Variants in HDAC9 observed in about 807,000 individuals in gnomAD.
The protein encoded by HDAC9 is histone deacetylase 9.
Under a neutral mutation model 139.4 loss-of-function variants are expected in HDAC9, and 41 were observed. The ratio of observed to expected loss-of-function variants is 0.29; its 90% CI spans 0.23 to 0.38. The LOEUF is 0.38. HDAC9 is among the 10% of genes least tolerant of loss of function. The pLI is 1.00. For missense variants in HDAC9, 1,147 were observed against 1,297.0 expected (o/e 0.88, Z 1.78); for synonymous variants, 517 against 476.2 (o/e 1.09, Z -1.12).
chr7:18,539,749 G>T (rs903621795), intron 2 of HDAC9, among the ~76,000 whole-genome samples: 41 of 152,050 alleles, frequency 2.7e-4, no homozygotes, highest in Middle Eastern at 3.2e-3. Flanking sequence ...GTTGCCAGGG[G>T]TTAGGGTACG....
chr7:18,879,698 CTA>C (rs1263797089), intron 22 of HDAC9, among the ~76,000 whole-genome samples: 1 of 152,144 alleles, frequency 6.6e-6, no homozygotes, highest in Non-Finnish European at 1.5e-5. Flanking sequence ...AAACCCAAAA[CTA>C]TAAAAACCCT....
chr7:18,138,171 T>C (rs949566321), intron 1 of HDAC9, among the ~76,000 whole-genome samples: 2 of 152,210 alleles, frequency 1.3e-5, no homozygotes, highest in Non-Finnish European at 2.9e-5. Context: ...TCATTTTTTA[T>C]TGCATCTATT....
chr7:18,549,482 A>T (rs1277048033), intron 2 of HDAC9, among the ~76,000 whole-genome samples: 1 of 152,174 alleles, frequency 6.6e-6, no homozygotes, highest in African/African-American at 2.4e-5. Flanking sequence ...ATAAAAATGA[A>T]TGTACTGTTG....
intron 12 of HDAC9, among the ~76,000 whole-genome samples, chr7:18,725,206 CA>C (rs1785447301): frequency 6.6e-6 from 1 of 152,092 alleles, no homozygotes; most frequent in Non-Finnish European, 1.5e-5. Context: ...TGAATCTAAT[CA>C]TATGAATATA....
intron 15 of HDAC9, 81 bp downstream of exon 15, chr7:18,762,358 T>G: frequency 6.6e-7 from 1 of 1,517,544 alleles, no homozygotes; most frequent in Non-Finnish European, 9.0e-7. Context: ...TTCAAAATAC[T>G]TGGCAAGTAG....
intron 12 of HDAC9, among the ~76,000 whole-genome samples, chr7:18,722,216 C>T (rs975967408): frequency 1.3e-5 from 2 of 152,064 alleles, no homozygotes; most frequent in African/African-American, 2.4e-5. Flanking sequence ...CCAGGTGAAT[C>T]AGCTGAAAAA....
intron 16 of HDAC9, among the ~76,000 whole-genome samples, chr7:18,772,463 G>A (rs1249157889): frequency 2.6e-5 from 4 of 152,030 alleles, no homozygotes; most frequent in Admixed American, 2.6e-4. Flanking sequence ...AATGCCTTTT[G>A]TTACATCAGC....
chr7:18,661,937 A>G (rs1793305781), intron 11 of HDAC9, among the ~76,000 whole-genome samples: 2 of 152,132 alleles, frequency 1.3e-5, no homozygotes, highest in South Asian at 4.1e-4. Flanking sequence ...ACCAGATTTG[A>G]TTAATGGACT....
At chr7:18,654,533 C>G (rs1790438619) in intron 11 of HDAC9, among the ~76,000 whole-genome samples, 1 of 152,034 alleles carries the variant, frequency 6.6e-6, no homozygotes, top group African/African-American at 2.4e-5. Context: ...GTAGATTGAG[C>G]AAGGTGGCAG....
At chr7:18,799,496 ATAATT>A (rs1793106563) in intron 17 of HDAC9, among the ~76,000 whole-genome samples, 2 of 152,366 alleles carry the variant, frequency 1.3e-5, no homozygotes, top group South Asian at 4.1e-4. Flanking sequence ...GATATTTTTA[ATAATT>A]TAAAGAAGTA....
intron 2 of HDAC9, among the ~76,000 whole-genome samples, chr7:18,188,077 C>T (rs1790053772): frequency 6.6e-6 from 1 of 152,178 alleles, no homozygotes; most frequent in Non-Finnish European, 1.5e-5. Context: ...CTGGAGGCAT[C>T]ATGCTACCTG....
intron 12 of HDAC9, among the ~76,000 whole-genome samples, chr7:18,670,882 T>C (rs1795633239): frequency 6.6e-6 from 1 of 151,574 alleles, no homozygotes; most frequent in Non-Finnish European, 1.5e-5. Context: ...TTTTTTCTAA[T>C]TCTAATGAGG....
At chr7:18,215,010 T>A (rs2041093) in intron 2 of HDAC9, among the ~76,000 whole-genome samples, 36,715 of 151,826 alleles carry the variant, frequency 0.24, 4,454 homozygotes, top group African/African-American at 0.25. Context: ...ACTTAAGTAC[T>A]ATGGTATGAT....
chr7:18,257,498 C>T (rs1377792891), intron 2 of HDAC9, among the ~76,000 whole-genome samples: 1 of 151,568 alleles, frequency 6.6e-6, no homozygotes, highest in African/African-American at 2.4e-5. Flanking sequence ...AATCCAGGTG[C>T]TAAGGTACTA....
rs79950349 is a variant in HDAC9 at position 18,559,820 on chromosome 7, A to G, written c.23-25461A>G. 5.7e-3 allele frequency among the ~76,000 whole-genome samples: 870 copies of G among 152,290 alleles called. 9 individuals carry two copies. The highest frequency in any genetic ancestry group is 0.02 in the African/African-American group (818 of 41,550). ...CTCTGAGATACTTTTTAATCCTCAA[A>G]TATTATATTCTAAGGTCTTTTAAAA... On this transcript the variant is annotated intron_variant, in intron 2 of 25. Transcript: ENST00000686413.
chr7:18,228,830 T>G (rs1015345384), intron 2 of HDAC9, among the ~76,000 whole-genome samples: 1 of 152,164 alleles, frequency 6.6e-6, no homozygotes, highest in Non-Finnish European at 1.5e-5. Flanking sequence ...AACTAGCCTG[T>G]TATCTTTATA....
In HDAC9 at chr7:18,932,305, G is replaced by A. The variant is rs77583124; in HGVS notation, c.2804-3504G>A. Reference sequence around the variant, plus strand: ...AATTGCCCCTGAAATTGGACAGGTCGGATGCCATGATAATTTTTTCTAAAT... The same window carrying A: ...AATTGCCCCTGAAATTGGACAGGTCAGATGCCATGATAATTTTTTCTAAAT... On this transcript the variant is annotated intron_variant, in intron 22 of 25. Transcript: ENST00000686413. Among the ~76,000 whole-genome samples the A allele has an allele frequency of 2.3e-4, 35 of 152,090 alleles. No homozygotes were observed. The East Asian group carries it at 6.4e-3, about 28-fold the overall frequency.
intron 21 of HDAC9, among the ~76,000 whole-genome samples, chr7:18,857,465 T>C (rs1429131346): frequency 6.6e-6 from 1 of 152,084 alleles, no homozygotes; most frequent in Non-Finnish European, 1.5e-5. Context: ...TAAAATATCA[T>C]TTTATCTATA....
In HDAC9 at chr7:18,549,555, A is replaced by G. The variant is rs568941037; in HGVS notation, c.23-35726A>G. Among the ~76,000 whole-genome samples the G allele has an allele frequency of 4.6e-5, 7 of 152,312 alleles. No individual in the cohort carries two copies. In the South Asian group the frequency reaches 1.4e-3, roughly 32 times the overall value. On this transcript the variant is annotated intron_variant, in intron 2 of 25. Coordinates refer to ENST00000686413, the MANE Select transcript of HDAC9 (RefSeq NM_178425.4). ...TATTGAAGGAAAAAAAGCCAATTTC[A>G]ACAGTTTACATATGGTATGCTTCAA...
Sources: allele counts gnomAD v4.1 joint callset (sites outside exome capture counted in the v4.1 genomes callset), GRCh38; gene constraint gnomAD v4.1.1; transcripts MANE v1.5; gene names NCBI Gene and HGNC (gene_info 2026-07-23, HGNC 2026-07-21).